Variants in CACNA1S observed in about 807,000 individuals in gnomAD.
CACNA1S encodes calcium voltage-gated channel subunit alpha1 S.
CACNA1S carries 126 observed loss-of-function variants against 207.4 expected under a neutral mutation model. The ratio of observed to expected loss-of-function variants is 0.61; its 90% confidence interval spans 0.53 to 0.70. The LOEUF (loss-of-function observed/expected upper bound fraction) is 0.70, where lower values mean the gene tolerates loss of function less well. Ranked by LOEUF, CACNA1S falls within the 30% of genes least tolerant of loss-of-function variation. CACNA1S has a pLI of 0.00. For missense variants in CACNA1S, 2,349 were observed against 2,422.8 expected, an observed-to-expected ratio of 0.97 and a Z score of 0.64; for synonymous variants, 960 against 932.7, an observed-to-expected ratio of 1.03 and a Z score of -0.53.
chr1:201,064,620 C>A (rs1046104563), intron 22 of CACNA1S, among the ~76,000 whole-genome samples: 1 of 152,152 alleles, frequency 6.6e-6, no homozygotes, highest in Non-Finnish European at 1.5e-5. Context: ...TTTGAAAGAT[C>A]GTGCTTTGGT....
chr1:201,074,484 T>C (rs1204835731), intron 14 of CACNA1S, 22 bp downstream of exon 14: 26 of 1,505,006 alleles, frequency 1.7e-5, no homozygotes, highest in Non-Finnish European at 2.3e-5. Flanking sequence ...TCCAGGTCCC[T>C]TCCTGCTAAG....
intron 2 of CACNA1S, among the ~76,000 whole-genome samples, chr1:201,096,348 T>G (rs1662433044): frequency 6.6e-6 from 1 of 152,226 alleles, no homozygotes; most frequent in Admixed American, 6.5e-5. Context: ...AAGGGATGTG[T>G]CCCCTCTTGC....
intron 16 of CACNA1S, among the ~76,000 whole-genome samples, chr1:201,071,108 G>T (rs1661424319): frequency 1.3e-5 from 2 of 152,052 alleles, no homozygotes; most frequent in Admixed American, 1.3e-4. Context: ...CCCAGGGTGG[G>T]AGAATCCCGT....
chr1:201,080,565 A>G (rs576645596), intron 10 of CACNA1S, among the ~76,000 whole-genome samples: 1 of 152,274 alleles, frequency 6.6e-6, no homozygotes, highest in African/African-American at 2.4e-5. Flanking sequence ...TCCCATAGAA[A>G]AAGATAATCT....
At chr1:201,078,141 C>T (rs1661700593) in intron 10 of CACNA1S, 37 bp from the exon 11 acceptor site, 1 of 1,505,934 alleles carries the variant, frequency 6.6e-7, no homozygotes, top group African/African-American at 1.4e-5. Flanking sequence ...CATCACTCTC[C>T]TTCCCTTCTC....
At position 201,039,822 on chromosome 1, in the gene CACNA1S, G is replaced by A. The variant is rs1324784320; in HGVS notation, c.*9C>T. 1.2e-6 allele frequency: 2 copies of A among 1,602,450 alleles called. No homozygotes were observed. Among genetic ancestry groups the A allele is most frequent in the East Asian group, 4.5e-5 (2 of 44,900 alleles). ...CCAGCTCTAAGCCCATGCTGATGCT[G>A]TGTGGGCATCACAGCCTTGGAGGAA... is the stretch of plus-strand genomic sequence containing the variant. On this transcript the variant is annotated 3_prime_UTR_variant, in exon 44 of 44. Transcript: ENST00000362061.
rs60151209 is a variant in CACNA1S, at chr1:201,068,231, C to CTTTTT, written c.2550+901_2550+905dup. Among the ~76,000 whole-genome samples the CTTTTT allele has an allele frequency of 8.9e-4, 42 of 46,970 alleles. 2 individuals are homozygous for CTTTTT. The highest frequency in any genetic ancestry group is 1.1e-3 in the African/African-American group (11 of 9,856). The allele number at this position is 46,970 out of a possible 152,430, so 30.8% of individuals were successfully genotyped here. A position where few individuals can be genotyped will look rare whatever the true frequency, so the allele number is the denominator to read the frequency against. On this transcript the variant is annotated intron_variant, in intron 19 of 43. Coordinates refer to ENST00000362061, the MANE Select transcript of CACNA1S (RefSeq NM_000069.3). ...AATCACACAGCTCCCCGGCTCTGCT[C>CTTTTT]TTTTTTTTTTTTTTTTTTTTTTTTT...
At chr1:201,044,536 A>T in intron 38 of CACNA1S, 80 bp from the exon 39 acceptor site, 1 of 1,534,522 alleles carries the variant, frequency 6.5e-7, no homozygotes, top group Non-Finnish European at 8.9e-7. Flanking sequence ...TTTGAGACAG[A>T]GTCTCACTCT....
chr1:201,072,866 T>C, intron 15 of CACNA1S, 42 bp from the exon 16 acceptor site: 2 of 1,536,798 alleles, frequency 1.3e-6, no homozygotes, highest in Non-Finnish European at 1.8e-6. Context: ...GAAAAAGAAG[T>C]TGCGGTTTCC....
rs763544900 is a variant in CACNA1S at position 201,059,267 on chromosome 1, G to A, written c.3447C>T (p.Ile1149=). Residue 1149 remains isoleucine (I), a synonymous_variant, in exon 27 of 44, where the codon ATC becomes ATT. Transcript: ENST00000362061. ...TGAAGGCCACATTGAGGATGTCTGA[G>A]ATGTGGTTCATCTGCTCCGACTGGT... ...HYNQSEQMNH[I]SDILNVAFTI... 6.2e-7 allele frequency: 1 copy of A among 1,613,728 alleles called. No homozygotes were observed. Among genetic ancestry groups the A allele is most frequent in the Admixed American group, 1.7e-5 (1 of 60,004 alleles).
intron 38 of CACNA1S, among the ~76,000 whole-genome samples, chr1:201,046,599 G>C (rs1660479955): frequency 6.6e-6 from 1 of 151,862 alleles, no homozygotes; most frequent in Non-Finnish European, 1.5e-5. Flanking sequence ...CTGAGGTTCA[G>C]TGTCTCAATC....
rs1660200156 is a variant in CACNA1S at position 201,041,508 on chromosome 1, G to A, written c.5130C>T (p.Val1710=). ...RGRALGQPCR[V]LGPHSKPCVE... ...AGATGCACAGAAGGGACTGACCCAG[G>A]ACCCTGCAGGGTTGGCCAAGGGCTC... Residue 1710 remains valine (V), a synonymous_variant, in exon 41 of 44, where the codon GTC becomes GTT. Coordinates refer to ENST00000362061, the MANE Select transcript of CACNA1S (RefSeq NM_000069.3). The A allele has an allele frequency of 6.2e-7, 1 of 1,612,522 alleles. No homozygotes were observed. The highest frequency in any genetic ancestry group is 8.5e-7 in the Non-Finnish European group (1 of 1,178,532).
At chr1:201,083,442 CAT>C in intron 9 of CACNA1S, 120 bp from the exon 10 acceptor site, 1 of 969,884 alleles carries the variant, frequency 1.0e-6, no homozygotes, top group Non-Finnish European at 1.7e-6. Context: ...CCGCCAGCCA[CAT>C]GAGAGAAGCT....
intron 27 of CACNA1S, 116 bp from the exon 28 acceptor site, chr1:201,058,607 G>A: frequency 1.3e-6 from 1 of 799,748 alleles, no homozygotes; most frequent in South Asian, 1.4e-5. Flanking sequence ...GTTAGGCCAA[G>A]GTGGGGTGCC....
At position 201,083,447 on chromosome 1, in the gene CACNA1S, G is replaced by A. The variant is rs990292973; in HGVS notation, c.1233-125C>T. Reference sequence around the variant, plus strand: ...CACCCCACTTCCGCCAGCCACATGAGAGAAGCTCAGGGCATGAGCTAGGGA... The same window carrying A: ...CACCCCACTTCCGCCAGCCACATGAAAGAAGCTCAGGGCATGAGCTAGGGA... On this transcript the variant is annotated intron_variant, in intron 9 of 43. Coordinates refer to ENST00000362061, the MANE Select transcript of CACNA1S (RefSeq NM_000069.3). 11 of 931,082 alleles carry A rather than the reference G, an allele frequency of 1.2e-5. No homozygotes were observed. The African/African-American group carries it at 1.4e-4, about 12-fold the overall frequency. The allele number at this position is 931,082 out of a possible 1,614,324, so 57.7% of individuals were successfully genotyped here.
intron 22 of CACNA1S, among the ~76,000 whole-genome samples, chr1:201,065,211 A>G (rs1043587140): frequency 2.6e-5 from 4 of 152,234 alleles, no homozygotes; most frequent in African/African-American, 9.6e-5. Context: ...AACTCTGTGC[A>G]TTCAGTTGAA....
At chr1:201,100,866 T>G (rs913232508) in intron 2 of CACNA1S, among the ~76,000 whole-genome samples, 18 of 152,174 alleles carry the variant, frequency 1.2e-4, no homozygotes, top group Non-Finnish European at 5.9e-5. Context: ...TACTTTTTTT[T>G]TTTTGCCTTT....
In CACNA1S at chr1:201,079,368, C is replaced by A. The variant is rs191912390; in HGVS notation, c.1394-1264G>T. ...ATCCAATGCTAATCTAACCCTCCTG[C>A]TCCTGACCTCCCAGCAGCACTGGGC... On this transcript the variant is annotated intron_variant, in intron 10 of 43. Transcript: ENST00000362061. Among the ~76,000 whole-genome samples, 404 of 152,272 alleles carry A rather than the reference C, an allele frequency of 2.7e-3. 4 individuals carry two copies. The highest frequency in any genetic ancestry group is 3.4e-3 in the Middle Eastern group (1 of 294).
chr1:201,047,223 C>A lies in CACNA1S; in HGVS notation c.4560G>T (p.Val1520=). Reference sequence around the variant, plus strand: ...TGAGGAATGTGGCGTAGAACTTCCCCACTGTCACCTCATCATCTGCAGAGG... The same window carrying A: ...TGAGGAATGTGGCGTAGAACTTCCCAACTGTCACCTCATCATCTGCAGAGG... ...IPPIGDDEVT[V]GKFYATFLIQ... is the part of the protein sequence containing the mutation. Residue 1520 remains valine (V), a synonymous_variant, in exon 38 of 44, where the codon GTG becomes GTT. Transcript: ENST00000362061. 6.2e-7 allele frequency: 1 copy of A among 1,614,078 alleles called. No individual in the cohort carries two copies. The highest frequency in any genetic ancestry group is 2.2e-5 in the East Asian group (1 of 44,904).
Sources: allele counts gnomAD v4.1 joint callset (sites outside exome capture counted in the v4.1 genomes callset), GRCh38; gene constraint gnomAD v4.1.1; transcripts MANE v1.5; gene names NCBI Gene and HGNC (gene_info 2026-07-23, HGNC 2026-07-21).